The following FBLN2 variants were observed in gnomAD, a reference collection of about 807,000 sequenced individuals.
FBLN2 encodes fibulin 2, also known as fibulin-2.
In FBLN2, 81 loss-of-function variants were observed where a neutral mutation model predicts 123.7. The ratio of observed to expected loss-of-function variants is 0.65; its 90% CI spans 0.55 to 0.79. The LOEUF (loss-of-function observed/expected upper bound fraction) is 0.79. FBLN2 is among the 30% of genes least tolerant of loss of function. The pLI, the probability that FBLN2 is intolerant of heterozygous loss-of-function variation, is 0.00. For missense variants in FBLN2, 1,603 were observed against 1,681.3 expected, an observed-to-expected ratio of 0.95 and a Z score of 0.81; for synonymous variants, 699 against 701.4, an observed-to-expected ratio of 1.00 and a Z score of 0.05.
chr3:13,566,969 G>T (rs1017989601), intron 1 of FBLN2, among the ~76,000 whole-genome samples: 30 of 152,272 alleles, frequency 2.0e-4, no homozygotes, highest in African/African-American at 7.2e-4. Flanking sequence ...GGCCAGGGCC[G>T]TGCCTGGGGT....
intron 4 of FBLN2, 50 bp downstream of exon 4, chr3:13,609,692 G>GGGGGGGGGGC: frequency 6.5e-5 from 33 of 508,382 alleles, no homozygotes; most frequent in Non-Finnish European, 9.8e-5. Flanking sequence ...GGCGGGGCGG[G>GGGGGGGGGGC]AGGCTGGCCT....
At chr3:13,565,207 C>T (rs907963361) in intron 1 of FBLN2, among the ~76,000 whole-genome samples, 2 of 152,220 alleles carry the variant, frequency 1.3e-5, no homozygotes, top group African/African-American at 2.4e-5. Flanking sequence ...ACCCTGCTGC[C>T]ACTTTAGAAT....
Position 13,627,892 on chromosome 3 carries a change from C to G in FBLN2, c.2492C>G (p.Thr831Ser), listed in dbSNP as rs746153989. ...CAGCCGGGCTTCTTGTGCCAGAACA[C>G]CAAGGGCTCCTTCTACTGCCAGGCC... is the stretch of plus-strand genomic sequence containing the variant. ...TCQPGFLCQN[T>S]KGSFYCQARQ... Residue 831 changes from threonine (T) to serine (S), a missense_variant, in exon 11 of 18, where the codon ACC becomes AGC. Coordinates refer to ENST00000404922, the MANE Select transcript of FBLN2 (RefSeq NM_001004019.2). 19 of 1,613,690 alleles carry G rather than the reference C, an allele frequency of 1.2e-5. No individual in the cohort carries two copies. Among genetic ancestry groups the G allele is most frequent in the Non-Finnish European group, 6.8e-6 (8 of 1,179,856 alleles).
intron 5 of FBLN2, among the ~76,000 whole-genome samples, chr3:13,617,864 A>G (rs1449651223): frequency 6.8e-6 from 1 of 147,578 alleles, no homozygotes; most frequent in African/African-American, 2.5e-5. Context: ...CCATCCGTCT[A>G]TCTATTTACC....
chr3:13,550,822 G>A (rs998248121), intron 1 of FBLN2, among the ~76,000 whole-genome samples: 2 of 152,202 alleles, frequency 1.3e-5, no homozygotes, highest in African/African-American at 4.8e-5. Context: ...ATCTTATTCT[G>A]GAGGCACAAA....
chr3:13,630,058 CA>C (rs1706203482), intron 14 of FBLN2, 113 bp downstream of exon 14: 1 of 1,428,896 alleles, frequency 7.0e-7, no homozygotes, highest in African/African-American at 1.4e-5. Flanking sequence ...TTCACCCTCA[CA>C]CCTTCACCCA....
At chr3:13,637,516 AG>A (rs1054528000) in intron 17 of FBLN2, 45 bp from the exon 18 acceptor site, 17 of 1,510,692 alleles carry the variant, frequency 1.1e-5, no homozygotes, top group Non-Finnish European at 1.4e-5. Flanking sequence ...TCTGGGGATG[AG>A]GGGGGTGGGC....
Position 13,618,278 on chromosome 3 carries a change from C to A in FBLN2, c.1932C>A (p.Cys644Ter). The change falls in exon 6 of 18, where the codon TGC (cysteine) becomes TGA (stop). Residue 644 changes from cysteine (C) to a stop codon, truncating the protein, a stop_gained. Coordinates refer to ENST00000404922, the MANE Select transcript of FBLN2 (RefSeq NM_001004019.2). LOFTEE classifies it high-confidence loss of function. The part of the protein sequence containing the change: ...GFSLQDDGRT[C>*]RPEGHPPQPE... ...CACTGCAGGACGATGGCCGCACTTG[C>A]CGCCCAGGTAAGGGCCCTGATGGCC... 6.2e-7 allele frequency: 1 copy of A among 1,613,784 alleles called. No homozygotes were observed. The highest frequency in any genetic ancestry group is 8.5e-7 in the Non-Finnish European group (1 of 1,179,870).
chr3:13,612,721 G>A (rs1705447253), intron 4 of FBLN2, among the ~76,000 whole-genome samples: 1 of 152,140 alleles, frequency 6.6e-6, no homozygotes. Flanking sequence ...TCTATAAAAT[G>A]AGGATAATAA....
chr3:13,602,739 G>T (rs751748165), intron 2 of FBLN2, among the ~76,000 whole-genome samples: 1 of 151,942 alleles, frequency 6.6e-6, no homozygotes, highest in Non-Finnish European at 1.5e-5. Context: ...TGAGTGTGTT[G>T]TTTTTGTTTT....
At chr3:13,634,536 C>T (rs959338265) in intron 16 of FBLN2, among the ~76,000 whole-genome samples, 4 of 152,250 alleles carry the variant, frequency 2.6e-5, no homozygotes, top group Non-Finnish European at 4.4e-5. Flanking sequence ...GTCACTGGAG[C>T]GGGCCACCGG....
At chr3:13,597,584 G>T (rs1451929047) in intron 2 of FBLN2, among the ~76,000 whole-genome samples, 1 of 152,222 alleles carries the variant, frequency 6.6e-6, no homozygotes, top group Non-Finnish European at 1.5e-5. Context: ...GCACGTGGTG[G>T]CAGTGAGGTG....
chr3:13,558,539 GAA>G (rs1265662118), intron 1 of FBLN2, among the ~76,000 whole-genome samples: 1 of 151,952 alleles, frequency 6.6e-6, no homozygotes, highest in Non-Finnish European at 1.5e-5. Context: ...TTCTGTTTCT[GAA>G]GGCCCTTCTG....
chr3:13,618,394 A>G (rs971728167), intron 6 of FBLN2, 109 bp downstream of exon 6: 19 of 980,702 alleles, frequency 1.9e-5, no homozygotes, highest in Non-Finnish European at 2.7e-5. Flanking sequence ...CTGTTACCCC[A>G]CAAGTTGGAA....
chr3:13,549,579 C>A (rs1574935699), intron 1 of FBLN2, among the ~76,000 whole-genome samples: 1 of 150,792 alleles, frequency 6.6e-6, no homozygotes, highest in Non-Finnish European at 1.5e-5. Context: ...TGCCCACCCC[C>A]ACCCCGACCG....
chr3:13,618,506 C>G, intron 6 of FBLN2, among the ~76,000 whole-genome samples: 1 of 152,230 alleles, frequency 6.6e-6, no homozygotes. Flanking sequence ...GCCCCAGCAC[C>G]TTGTCCCATA....
At chr3:13,634,136 T>G (rs376433566) in intron 16 of FBLN2, among the ~76,000 whole-genome samples, 20 of 152,214 alleles carry the variant, frequency 1.3e-4, no homozygotes, top group African/African-American at 4.8e-4. Flanking sequence ...CTCAAGTCCT[T>G]CAGAAGCCCT....
chr3:13,621,675 C>A, intron 8 of FBLN2, 100 bp from the exon 9 acceptor site: 1 of 1,352,766 alleles, frequency 7.4e-7, no homozygotes, highest in East Asian at 2.4e-5. Flanking sequence ...AGACAGGCCC[C>A]TGCCCCTTGC....
intron 15 of FBLN2, 116 bp from the exon 16 acceptor site, chr3:13,631,213 T>G: frequency 7.6e-7 from 1 of 1,314,154 alleles, no homozygotes; most frequent in Non-Finnish European, 1.0e-6. Flanking sequence ...TCCACTTGTC[T>G]TCATTTAAAA....
Sources: allele counts gnomAD v4.1 joint callset (sites outside exome capture counted in the v4.1 genomes callset), GRCh38; gene constraint gnomAD v4.1.1; transcripts MANE v1.5; gene names NCBI Gene and HGNC (gene_info 2026-07-23, HGNC 2026-07-21).